The following NCOA3 variants were observed in gnomAD, a reference collection of about 807,000 sequenced individuals.
NCOA3 encodes the protein CBP-interacting protein.
NCOA3 carries 51 observed loss-of-function variants against 158.8 expected under a neutral mutation model. The ratio of observed to expected loss-of-function variants is 0.32; its 90% CI spans 0.26 to 0.41. NCOA3 has a LOEUF of 0.41. Among genes scored for constraint, NCOA3 ranks in the 10% least tolerant of loss-of-function variants. The probability of loss-of-function intolerance (pLI) is 1.00; values close to 1 mark genes in which losing one functional copy is unlikely to be tolerated. For synonymous variants in NCOA3, 537 were observed against 592.4 expected, an observed-to-expected ratio of 0.91 and a Z score of 1.36; for missense variants, 1,510 against 1,746.6, an observed-to-expected ratio of 0.86 and a Z score of 2.41.
At chr20:47,569,240 G>A (rs534927867) in intron 1 of NCOA3, among the ~76,000 whole-genome samples, 5 of 152,204 alleles carry the variant, frequency 3.3e-5, no homozygotes, top group African/African-American at 9.6e-5. Context: ...CCAGCTACTC[G>A]GGAGGCTGAG....
chr20:47,523,651 G>A (rs1208933638), intron 1 of NCOA3, among the ~76,000 whole-genome samples: 1 of 152,172 alleles, frequency 6.6e-6, no homozygotes, highest in Non-Finnish European at 1.5e-5. Context: ...AGTACCTGTA[G>A]ATTTTCCTCT....
intron 1 of NCOA3, 134 bp downstream of exon 1, chr20:47,502,153 C>T (rs2083942360): frequency 2.5e-6 from 1 of 396,300 alleles, no homozygotes; most frequent in Non-Finnish European, 4.4e-6. Flanking sequence ...GCGCGCCGGC[C>T]GGGGGACGCG....
At chr20:47,594,924 T>A (rs1248926142) in intron 2 of NCOA3, among the ~76,000 whole-genome samples, 2 of 150,438 alleles carry the variant, frequency 1.3e-5, no homozygotes, top group African/African-American at 2.4e-5. Context: ...CCTGAGTAGC[T>A]GGGATTACAG....
chr20:47,640,309 G>A (rs993323061), intron 16 of NCOA3, among the ~76,000 whole-genome samples: 12 of 152,332 alleles, frequency 7.9e-5, no homozygotes, highest in Non-Finnish European at 1.6e-4. Context: ...CCAAACCTCT[G>A]AGAGCCTCTC....
At chr20:47,616,121 G>A (rs2086128648) in intron 2 of NCOA3, among the ~76,000 whole-genome samples, 1 of 149,362 alleles carries the variant, frequency 6.7e-6, no homozygotes, top group African/African-American at 2.4e-5. Context: ...TTGCACCACT[G>A]CACTCCACCC....
At chr20:47,582,893 C>G (rs1474933470) in intron 1 of NCOA3, among the ~76,000 whole-genome samples, 1 of 152,210 alleles carries the variant, frequency 6.6e-6, no homozygotes, top group African/African-American at 2.4e-5. Context: ...CTCCCAGGTT[C>G]AAGTGATTCT....
At chr20:47,619,898 C>T (rs1428179095) in intron 2 of NCOA3, among the ~76,000 whole-genome samples, 3 of 151,428 alleles carry the variant, frequency 2.0e-5, no homozygotes, top group Non-Finnish European at 2.9e-5. Context: ...CGGGTTCATG[C>T]GATTCTCCTG....
intron 8 of NCOA3, chr20:47,628,673 A>C (rs1165816503): frequency 3.3e-5 from 5 of 152,066 alleles, no homozygotes; most frequent in African/African-American, 1.2e-4. Flanking sequence ...CAGCCTCCCA[A>C]AATGCTGGGA....
At chr20:47,549,380 A>G (rs761613989) in intron 1 of NCOA3, among the ~76,000 whole-genome samples, 34 of 151,428 alleles carry the variant, frequency 2.2e-4, no homozygotes, top group Non-Finnish European at 4.6e-4. Flanking sequence ...AAAAAAAATT[A>G]GCTGGGCATG....
intron 16 of NCOA3, among the ~76,000 whole-genome samples, chr20:47,641,897 C>A (rs748447082): frequency 4.6e-5 from 7 of 152,048 alleles, no homozygotes; most frequent in Non-Finnish European, 1.0e-4. Flanking sequence ...AGTATCTTCT[C>A]CCATCCTTCC....
At chr20:47,550,696 A>T (rs2084915601) in intron 1 of NCOA3, among the ~76,000 whole-genome samples, 1 of 152,180 alleles carries the variant, frequency 6.6e-6, no homozygotes, top group Admixed American at 6.5e-5. Flanking sequence ...ATACTGAAAG[A>T]ATTGAATGAC....
intron 1 of NCOA3, among the ~76,000 whole-genome samples, chr20:47,511,927 T>G (rs2084148373): frequency 6.6e-6 from 1 of 152,024 alleles, no homozygotes; most frequent in Admixed American, 6.6e-5. Flanking sequence ...TGTATGTGAT[T>G]TGAGTAAATG....
rs536520183 is a variant in NCOA3 at position 47,609,763 on chromosome 20, A to C, written c.-19-12466A>C. 3.3e-5 allele frequency among the ~76,000 whole-genome samples: 5 copies of C among 152,288 alleles called. No homozygotes were observed. The South Asian group carries it at 1.0e-3, about 32-fold the overall frequency. ...AAAAAAGTTATGGATCATGAAACTA[A>C]CATTTGAATAGCAACAAAGAAAAAA... On this transcript the variant is annotated intron_variant, in intron 2 of 22. Transcript: ENST00000371998.
At chr20:47,611,428 G>A (rs2086040889) in intron 2 of NCOA3, among the ~76,000 whole-genome samples, 1 of 152,138 alleles carries the variant, frequency 6.6e-6, no homozygotes, top group African/African-American at 2.4e-5. Context: ...TTGATGTAGA[G>A]ATACTTATGT....
At chr20:47,624,574 T>A (rs931287804) in intron 4 of NCOA3, among the ~76,000 whole-genome samples, 2 of 152,142 alleles carry the variant, frequency 1.3e-5, no homozygotes, top group Admixed American at 6.5e-5. Context: ...ACTGCTGACC[T>A]CCTGCTGTGC....
chr20:47,636,614 A>G lies in NCOA3; in HGVS notation c.2228A>G (p.Asp743Gly). ...ENNALLRYLL[D>G]RDDPSDALSK... ...AATGCACTTCTTAGATACCTGCTGGACAGGGATGATCCTAGTGATGCACTC... is the reference window on the plus strand; with the variant it reads ...AATGCACTTCTTAGATACCTGCTGGGCAGGGATGATCCTAGTGATGCACTC... The change falls in exon 12 of 23, where the codon GAC (aspartate) becomes GGC (glycine). Residue 743 changes from aspartate (D) to glycine (G), a missense_variant. Physicochemically the swap from Asp to Gly is moderately conservative, Grantham distance 94 (BLOSUM62 -1). This residue lies in a region of NCOA3 where 1,017 missense variants were observed against 1,098.3 expected (regional missense o/e 0.93). Transcript: ENST00000371998. The G allele has an allele frequency of 6.2e-7, 1 of 1,614,208 alleles. No homozygotes were observed. The highest frequency in any genetic ancestry group is 1.6e-4 in the Middle Eastern group (1 of 6,062).
intron 1 of NCOA3, among the ~76,000 whole-genome samples, chr20:47,526,391 T>G (rs2146096156): frequency 6.6e-6 from 1 of 151,996 alleles, no homozygotes; most frequent in Middle Eastern, 3.4e-3. Flanking sequence ...TCTCGGCACT[T>G]TGGGAGGCCA....
At chr20:47,630,153 A>G (rs757763533) in intron 8 of NCOA3, 2 of 152,164 alleles carry the variant, frequency 1.3e-5, no homozygotes, top group African/African-American at 2.4e-5. Context: ...AATCATGTCT[A>G]TTTTGGGCAC....
At chr20:47,623,852 C>G (rs189700374) in intron 3 of NCOA3, 59 bp from the exon 4 acceptor site, 1 of 1,493,800 alleles carries the variant, frequency 6.7e-7, no homozygotes, top group Admixed American at 2.2e-5. Flanking sequence ...CTGCTAACAG[C>G]TCTTTTGTGA....
Sources: allele counts gnomAD v4.1 joint callset (sites outside exome capture counted in the v4.1 genomes callset), GRCh38; gene constraint gnomAD v4.1.1; regional missense constraint gnomAD v4.1.1; transcripts MANE v1.5; gene names NCBI Gene and HGNC (gene_info 2026-07-23, HGNC 2026-07-21).